The following TFCP2 variants were observed in gnomAD, a reference collection of about 807,000 sequenced individuals.
The protein encoded by TFCP2 is alpha-globin transcription factor CP2.
A neutral mutation model predicts 73.4 loss-of-function variants in TFCP2; 33 were observed. The observed-to-expected ratio is 0.45, with a 90% confidence interval of 0.34 to 0.60. The LOEUF is 0.60. Among genes scored for constraint, TFCP2 ranks in the 20% least tolerant of loss-of-function variants. The pLI is 0.01. For missense variants in TFCP2, 352 were observed against 604.0 expected (o/e 0.58, Z 4.37); for synonymous variants, 193 against 211.6 (o/e 0.91, Z 0.76).
Position 51,104,218 on chromosome 12 carries a change from A to G in TFCP2, c.918-15T>C. The G allele has an allele frequency of 6.2e-7, 1 of 1,612,996 alleles. No individual in the cohort carries two copies. The highest frequency in any genetic ancestry group is 8.5e-7 in the Non-Finnish European group (1 of 1,179,112). On this transcript the variant is annotated splice_polypyrimidine_tract_variant and intron_variant, in intron 8 of 14. Transcript: ENST00000257915. ...GTGAACCATTTCTAAAGAAACATTTAAAATGAAAGGATGAGTCCATGACAC... is the reference window on the plus strand; with the variant it reads ...GTGAACCATTTCTAAAGAAACATTTGAAATGAAAGGATGAGTCCATGACAC...
chr12:51,164,245 G>T (rs1032551213), intron 1 of TFCP2, among the ~76,000 whole-genome samples: 2 of 151,800 alleles, frequency 1.3e-5, no homozygotes, highest in African/African-American at 2.4e-5. Context: ...AAACCAAGAA[G>T]AATAAAAATA....
chr12:51,151,148 G>A (rs1197300077), intron 1 of TFCP2, among the ~76,000 whole-genome samples: 1 of 152,200 alleles, frequency 6.6e-6, no homozygotes, highest in East Asian at 1.9e-4. Flanking sequence ...CAAAGACACT[G>A]AGGTGAGACT....
rs11169736 is a variant in TFCP2 at position 51,172,874 on chromosome 12, G to T, written c.-452C>A. 28,854 of 170,086 alleles carry T rather than the reference G, an allele frequency of 0.17. 2,898 individuals carry two copies. The highest frequency in any genetic ancestry group is 0.26 in the South Asian group (2,204 of 8,412). 10.5% of individuals were successfully genotyped at this position (170,086 alleles called of 1,614,324 possible). On this transcript the variant is annotated 5_prime_UTR_variant, in exon 1 of 15. Coordinates refer to ENST00000257915, the MANE Select transcript of TFCP2 (RefSeq NM_005653.5). ...GGAGGCCCCCTCCCTCCCAGGTCTC[G>T]CTCTCTCTTTCCCCTCCAGGCCTCG...
intron 1 of TFCP2, among the ~76,000 whole-genome samples, chr12:51,151,107 A>C (rs940039481): frequency 2.0e-5 from 3 of 152,240 alleles, no homozygotes; most frequent in African/African-American, 7.2e-5. Context: ...AGGAACATAC[A>C]GGAATGTTTC....
rs540021876 is a variant in TFCP2 at position 51,095,139 on chromosome 12, A to G, written c.*102T>C. ...TCCTCCACACACAGTCAGACGAGTC[A>G]GGTTCTTGCAGACCTTCAAATCTCC... is the stretch of plus-strand genomic sequence containing the variant. On this transcript the variant is annotated 3_prime_UTR_variant, in exon 15 of 15. Transcript: ENST00000257915. 5.8e-5 allele frequency: 75 copies of G among 1,298,150 alleles called. No individual in the cohort carries two copies. The South Asian group carries it at 8.0e-4, about 14-fold the overall frequency. 80.4% of individuals were successfully genotyped at this position (1,298,150 alleles called of 1,614,324 possible).
chr12:51,106,671 T>C, intron 7 of TFCP2, 58 bp from the exon 8 acceptor site: 5 of 1,347,800 alleles, frequency 3.7e-6, no homozygotes, highest in Non-Finnish European at 5.3e-6. Flanking sequence ...AGGATTTGAC[T>C]AAAACATTGT....
chr12:51,160,811 A>G (rs1018294229), intron 1 of TFCP2, among the ~76,000 whole-genome samples: 3 of 152,216 alleles, frequency 2.0e-5, no homozygotes, highest in South Asian at 2.1e-4. Flanking sequence ...GGCATTTGGA[A>G]TAGCATCTTA....
At chr12:51,165,346 G>A (rs984102778) in intron 1 of TFCP2, among the ~76,000 whole-genome samples, 1 of 151,908 alleles carries the variant, frequency 6.6e-6, no homozygotes, top group African/African-American at 2.4e-5. Context: ...GAATGCAAGA[G>A]TGGTTCAACA....
At position 51,098,927 on chromosome 12, in the gene TFCP2, G is replaced by A; in HGVS notation, c.1277-9C>T. ...ATAGATAGCATGGTAAACTGCAAAA[G>A]GGAGAGAGCAACAGCAGTCAGTACA... On this transcript the variant is annotated splice_polypyrimidine_tract_variant and intron_variant, in intron 12 of 14. Coordinates refer to ENST00000257915, the MANE Select transcript of TFCP2 (RefSeq NM_005653.5). 6.2e-7 allele frequency: 1 copy of A among 1,613,856 alleles called. No individual in the cohort carries two copies. The highest frequency in any genetic ancestry group is 8.5e-7 in the Non-Finnish European group (1 of 1,179,856).
At chr12:51,143,690 A>C (rs1941234037) in intron 1 of TFCP2, among the ~76,000 whole-genome samples, 3 of 152,124 alleles carry the variant, frequency 2.0e-5, no homozygotes, top group Non-Finnish European at 4.4e-5. Context: ...GGTGTTAAGC[A>C]ATTTGCCCAA....
chr12:51,161,687 AT>A (rs776477843), intron 1 of TFCP2, among the ~76,000 whole-genome samples: 35 of 124,274 alleles, frequency 2.8e-4, no homozygotes, highest in African/African-American at 3.7e-4. Flanking sequence ...CTCAAAAAAA[AT>A]AATAATAATA....
intron 12 of TFCP2, among the ~76,000 whole-genome samples, chr12:51,099,316 T>C (rs934338097): frequency 6.6e-6 from 1 of 151,922 alleles, no homozygotes; most frequent in Non-Finnish European, 1.5e-5. Context: ...GGAGATCCCA[T>C]CTCTACAATA....
intron 1 of TFCP2, among the ~76,000 whole-genome samples, chr12:51,155,924 C>T (rs1294140120): frequency 6.6e-6 from 1 of 152,168 alleles, no homozygotes; most frequent in Non-Finnish European, 1.5e-5. Context: ...TGCCTGTAAT[C>T]CCAGCTACTT....
rs545130562 is a variant in TFCP2, at chr12:51,146,698, T to C, written c.122+25603A>G. Among the ~76,000 whole-genome samples, 5 of 152,290 alleles carry C rather than the reference T, an allele frequency of 3.3e-5. No individual in the cohort carries two copies. The South Asian group carries it at 1.0e-3, about 32-fold the overall frequency. On this transcript the variant is annotated intron_variant, in intron 1 of 14. Coordinates refer to ENST00000257915, the MANE Select transcript of TFCP2 (RefSeq NM_005653.5). ...CCTGGAATATATTTCTCCTCCACCT[T>C]TGCAGGGCCAAATCTTACCCTTCTT... is the stretch of plus-strand genomic sequence containing the variant.
intron 1 of TFCP2, among the ~76,000 whole-genome samples, chr12:51,149,710 G>A (rs1042256724): frequency 2.6e-5 from 4 of 151,726 alleles, no homozygotes; most frequent in Admixed American, 6.6e-5. Flanking sequence ...AGCGATTCTC[G>A]TGCCACATCC....
chr12:51,127,501 CAAG>C (rs1334341237), intron 1 of TFCP2, among the ~76,000 whole-genome samples: 1 of 152,106 alleles, frequency 6.6e-6, no homozygotes, highest in African/African-American at 2.4e-5. Context: ...GATGTGTCAT[CAAG>C]AAGGAAGCTG....
At chr12:51,171,702 C>T (rs1264142579) in intron 1 of TFCP2, among the ~76,000 whole-genome samples, 1 of 152,160 alleles carries the variant, frequency 6.6e-6, no homozygotes, top group Non-Finnish European at 1.5e-5. Context: ...CATCTGTTAT[C>T]AACAACTGGC....
intron 1 of TFCP2, chr12:51,124,925 G>A (rs191525048): frequency 6.0e-6 from 5 of 827,946 alleles, no homozygotes; most frequent in African/African-American, 1.7e-5. Context: ...CGTCCAGGAT[G>A]AGCCCAAATG....
intron 5 of TFCP2, 152 bp downstream of exon 5, chr12:51,110,725 A>T: frequency 1.9e-6 from 1 of 526,332 alleles, no homozygotes; most frequent in Non-Finnish European, 3.4e-6. Flanking sequence ...AAACTCCTCA[A>T]TGCTCTCAGG....
Sources: allele counts gnomAD v4.1 joint callset (sites outside exome capture counted in the v4.1 genomes callset), GRCh38; gene constraint gnomAD v4.1.1; transcripts MANE v1.5; gene names NCBI Gene and HGNC (gene_info 2026-07-23, HGNC 2026-07-21).